Variants in RIGI observed in about 807,000 individuals in gnomAD.
RIGI encodes the protein antiviral innate immune response receptor RIG-I.
chr9:32,483,349 G>C, the RIGI span, among the ~76,000 whole-genome samples: 3 of 152,298 alleles, frequency 2.0e-5, no homozygotes, highest in Admixed American at 2.0e-4. Flanking sequence ...TAAAGAAGAT[G>C]AGCCAACAGG....
the RIGI span, among the ~76,000 whole-genome samples, chr9:32,466,690 C>CAAAAAAAAAA: frequency 2.9e-5 from 2 of 68,604 alleles, no homozygotes; most frequent in African/African-American, 1.2e-4. Context: ...AGACCTATCT[C>CAAAAAAAAAA]AAAAAAAAAA....
At chr9:32,520,204 C>A in the RIGI span, among the ~76,000 whole-genome samples, 1 of 151,786 alleles carries the variant, frequency 6.6e-6, no homozygotes, top group Non-Finnish European at 1.5e-5. Context: ...ATTTTTGAGG[C>A]TCTAGGTCAC....
At chr9:32,491,371 A>G in the RIGI span, 2 of 1,613,170 alleles carry the variant, frequency 1.2e-6, no homozygotes, top group East Asian at 4.5e-5. Context: ...TCTGTATGTC[A>G]GAAGTTTCCA....
the RIGI span, chr9:32,477,161 T>C: frequency 5.6e-6 from 9 of 1,607,870 alleles, no homozygotes; most frequent in Non-Finnish European, 7.6e-6. Flanking sequence ...TATAAATGGC[T>C]TATAAATTCT....
chr9:32,493,638 C>T, the RIGI span: 1 of 616,184 alleles, frequency 1.6e-6, no homozygotes, highest in Non-Finnish European at 2.6e-6. Context: ...AAAAAAAGTA[C>T]TATTCTATGA....
At chr9:32,509,804 A>G in the RIGI span, among the ~76,000 whole-genome samples, 1 of 152,042 alleles carries the variant, frequency 6.6e-6, no homozygotes, top group Non-Finnish European at 1.5e-5. Flanking sequence ...CTAAAGGAGC[A>G]TGTTCTAACC....
chr9:32,494,282 G>A, the RIGI span, among the ~76,000 whole-genome samples: 1 of 151,876 alleles, frequency 6.6e-6, no homozygotes, highest in Non-Finnish European at 1.5e-5. Flanking sequence ...AGAGTCAACA[G>A]GTTTATTAAG....
the RIGI span, chr9:32,476,871 C>A: frequency 1.1e-6 from 1 of 939,932 alleles, no homozygotes; most frequent in South Asian, 2.0e-5. Flanking sequence ...ATTCTCCTGC[C>A]TTGATTTCCC....
At chr9:32,497,241 T>C in the RIGI span, among the ~76,000 whole-genome samples, 1 of 152,218 alleles carries the variant, frequency 6.6e-6, no homozygotes, top group Non-Finnish European at 1.5e-5. Flanking sequence ...TTCCAGGGTA[T>C]GAGTCTTTTA....
the RIGI span, chr9:32,491,407 A>C: frequency 6.2e-7 from 1 of 1,609,948 alleles, no homozygotes; most frequent in Non-Finnish European, 8.5e-7. Context: ...CTTCTGTTTC[A>C]ACATCTTTTA....
At chr9:32,486,632 AAAG>A in the RIGI span, among the ~76,000 whole-genome samples, 18 of 152,182 alleles carry the variant, frequency 1.2e-4, no homozygotes, top group African/African-American at 4.1e-4. Flanking sequence ...GAAAAAAAAA[AAAG>A]AGCAGTGATG....
chr9:32,470,403 A>C, the RIGI span, among the ~76,000 whole-genome samples: 174 of 152,358 alleles, frequency 1.1e-3, 3 homozygotes, highest in African/African-American at 3.8e-3. Context: ...GAAAGCAGCC[A>C]CAGACAATAC....
chr9:32,461,070 C>T, the RIGI span, among the ~76,000 whole-genome samples: 5 of 150,956 alleles, frequency 3.3e-5, no homozygotes, highest in Admixed American at 1.3e-4. Context: ...TGACACCTTA[C>T]CCATAGGGGG....
the RIGI span, among the ~76,000 whole-genome samples, chr9:32,510,482 C>G: frequency 6.6e-6 from 1 of 152,226 alleles, no homozygotes; most frequent in Middle Eastern, 3.4e-3. Context: ...CATATACAGC[C>G]AAACTAAGAT....
the RIGI span, chr9:32,457,384 T>G: frequency 1.2e-6 from 2 of 1,613,898 alleles, no homozygotes; most frequent in Non-Finnish European, 1.7e-6. Context: ...AAAGCATTCC[T>G]TAAAAGCATC....
At chr9:32,521,780 A>G in the RIGI span, among the ~76,000 whole-genome samples, 1 of 152,116 alleles carries the variant, frequency 6.6e-6, no homozygotes, top group African/African-American at 2.4e-5. Context: ...GATTCCTAAA[A>G]TTCTGATATG....
chr9:32,459,111 A>G, the RIGI span, among the ~76,000 whole-genome samples: 27 of 132,320 alleles, frequency 2.0e-4, no homozygotes, highest in African/African-American at 6.7e-4. Context: ...CTGGTCTCGA[A>G]CTCCTGACCT....
At chr9:32,456,188 T>C in the RIGI span, 1 of 152,150 alleles carries the variant, frequency 6.6e-6, no homozygotes, top group Admixed American at 6.5e-5. Flanking sequence ...ATCAACATCA[T>C]TATAGGAAAA....
the RIGI span, among the ~76,000 whole-genome samples, chr9:32,499,097 T>A: frequency 6.6e-6 from 1 of 152,076 alleles, no homozygotes; most frequent in Non-Finnish European, 1.5e-5. Context: ...ACTGTGTTCC[T>A]AATTTACAAT....
Sources: allele counts gnomAD v4.1 joint callset (sites outside exome capture counted in the v4.1 genomes callset), GRCh38; gene constraint gnomAD v4.1.1; transcripts MANE v1.5; gene names NCBI Gene and HGNC (gene_info 2026-07-23, HGNC 2026-07-21).